HSPB8: variants seen among roughly 807,000 people sequenced by gnomAD.
HSPB8 encodes heat shock protein family B (small) member 8.
A neutral mutation model predicts 16.5 loss-of-function variants in HSPB8; 9 were observed. The observed-to-expected ratio is 0.55, with a 90% CI of 0.33 to 0.95. The LOEUF is 0.95. Ranked by LOEUF, HSPB8 falls within the 40% of genes least tolerant of loss-of-function variation. The pLI, the probability that HSPB8 is intolerant of heterozygous loss-of-function variation, is 0.03. For synonymous variants in HSPB8, 99 were observed against 94.8 expected, an observed-to-expected ratio of 1.04 and a Z score of -0.26; for missense variants, 238 against 251.2, an observed-to-expected ratio of 0.95 and a Z score of 0.35.
At chr12:119,192,612 C>T (rs922565583) in intron 2 of HSPB8, among the ~76,000 whole-genome samples, 25 of 151,902 alleles carry the variant, frequency 1.6e-4, no homozygotes, top group African/African-American at 4.4e-4. Flanking sequence ...ACCAAGATCG[C>T]GCCACTGAAC....
In HSPB8 at chr12:119,194,191, C is replaced by T. The variant is rs1326811557; in HGVS notation, c.*333C>T. On this transcript the variant is annotated 3_prime_UTR_variant, in exon 3 of 3. Coordinates refer to ENST00000281938, the MANE Select transcript of HSPB8 (RefSeq NM_014365.3). Reference sequence around the variant, plus strand: ...CGTTGTATCTTACTTGCAGTGAATGCAAGGGTTACTTTTCTCTGGGGACCT... The same window carrying T: ...CGTTGTATCTTACTTGCAGTGAATGTAAGGGTTACTTTTCTCTGGGGACCT... 2.9e-6 allele frequency: 1 copy of T among 350,244 alleles called. No homozygotes were observed. Among genetic ancestry groups the T allele is most frequent in the Admixed American group, 4.3e-5 (1 of 23,296 alleles). 21.7% of individuals were successfully genotyped at this position (350,244 alleles called of 1,614,324 possible).
chr12:119,183,767 C>T (rs920767547), intron 1 of HSPB8, among the ~76,000 whole-genome samples: 1 of 152,152 alleles, frequency 6.6e-6, no homozygotes, highest in Non-Finnish European at 1.5e-5. Flanking sequence ...ATGAGGTTAA[C>T]CCCACCTCCA....
At chr12:119,181,918 C>T in intron 1 of HSPB8, 1 of 152,344 alleles carries the variant, frequency 6.6e-6, no homozygotes, top group Non-Finnish European at 1.5e-5. Context: ...TTGCCTGGCA[C>T]TCTGTAAACA....
intron 1 of HSPB8, among the ~76,000 whole-genome samples, chr12:119,181,569 A>G (rs1565927635): frequency 6.6e-6 from 1 of 152,190 alleles, no homozygotes; most frequent in African/African-American, 2.4e-5. Context: ...GGGGGCCCCA[A>G]GATTTATTTT....
chr12:119,187,134 G>T, intron 2 of HSPB8, 46 bp downstream of exon 2: 1 of 1,458,824 alleles, frequency 6.9e-7, no homozygotes, highest in Non-Finnish European at 9.6e-7. Context: ...GTGGAGGAGG[G>T]GGCACACCTG....
Position 119,187,099 on chromosome 12 carries a change from T to C in HSPB8, c.431+11T>C. On this transcript the variant is annotated intron_variant, in intron 2 of 2. Transcript: ENST00000281938. ...CACAAAGAAAATCCAGTAAGTAACC[T>C]GGAGTCATGGAGCTCAGGGTGGGAG... The C allele has an allele frequency of 6.2e-7, 1 of 1,609,494 alleles. No homozygotes were observed. The highest frequency in any genetic ancestry group is 8.5e-7 in the Non-Finnish European group (1 of 1,175,908).
chr12:119,179,849 C>T (rs1270041579), intron 1 of HSPB8, among the ~76,000 whole-genome samples, 170 bp downstream of exon 1: 2 of 152,140 alleles, frequency 1.3e-5, no homozygotes, highest in African/African-American at 2.4e-5. Flanking sequence ...AAACTTCTCT[C>T]CCGGCTCCCA....
chr12:119,188,570 C>T (rs964239256), intron 2 of HSPB8, among the ~76,000 whole-genome samples: 10 of 152,104 alleles, frequency 6.6e-5, no homozygotes, highest in African/African-American at 2.4e-4. Context: ...TCCAAGCCAT[C>T]GTTGCATTTA....
chr12:119,189,022 A>G (rs116509833), intron 2 of HSPB8, among the ~76,000 whole-genome samples: 3 of 152,150 alleles, frequency 2.0e-5, no homozygotes, highest in Admixed American at 6.5e-5. Flanking sequence ...TGGCCCTCCC[A>G]CAGCCTCTGC....
At chr12:119,181,682 T>C (rs12812680) in intron 1 of HSPB8, among the ~76,000 whole-genome samples, 12,329 of 152,204 alleles carry the variant, frequency 0.081, 615 homozygotes, top group East Asian at 0.22. Flanking sequence ...AAATAATGAA[T>C]AATAGATGCT....
At chr12:119,188,616 A>C (rs1266768633) in intron 2 of HSPB8, among the ~76,000 whole-genome samples, 1 of 152,158 alleles carries the variant, frequency 6.6e-6, no homozygotes, top group Non-Finnish European at 1.5e-5. Context: ...GAGAGGAGAC[A>C]TGACCCTCCT....
chr12:119,188,438 G>A (rs1009781475), intron 2 of HSPB8, among the ~76,000 whole-genome samples: 17 of 151,738 alleles, frequency 1.1e-4, no homozygotes, highest in African/African-American at 4.1e-4. Context: ...GTAGAGACGG[G>A]GTTTCACCAT....
At chr12:119,180,234 T>G (rs934626262) in intron 1 of HSPB8, among the ~76,000 whole-genome samples, 8 of 152,222 alleles carry the variant, frequency 5.3e-5, no homozygotes, top group African/African-American at 1.9e-4. Flanking sequence ...TGCTGTTGCC[T>G]ATAATATCTC....
At chr12:119,179,714 G>A in intron 1 of HSPB8, 35 bp downstream of exon 1, 1 of 1,544,712 alleles carries the variant, frequency 6.5e-7, no homozygotes, top group Non-Finnish European at 8.7e-7. Context: ...AGAATGGGGA[G>A]GCCGGGATGT....
At chr12:119,186,902 T>G (rs1437145992) in intron 1 of HSPB8, 123 bp from the exon 2 acceptor site, 1 of 882,724 alleles carries the variant, frequency 1.1e-6, no homozygotes, top group Admixed American at 1.7e-5. Flanking sequence ...AACTAGAGTC[T>G]CTAGGGTAGG....
Position 119,179,441 on chromosome 12 carries a change from C to T in HSPB8, c.129C>T (p.Asp43=). The change falls in exon 1 of 3, where the codon GAC becomes GAT. Residue 43 remains aspartate, a synonymous_variant. Coordinates refer to ENST00000281938, the MANE Select transcript of HSPB8 (RefSeq NM_014365.3). ...DGFGMDPFPD[D]LTASWPDWAL... Reference sequence around the variant, plus strand: ...TTGGCATGGACCCCTTCCCAGACGACTTGACAGCCTCTTGGCCCGACTGGG... The same window carrying T: ...TTGGCATGGACCCCTTCCCAGACGATTTGACAGCCTCTTGGCCCGACTGGG... 1 of 1,614,142 alleles carries T rather than the reference C, an allele frequency of 6.2e-7. No homozygotes were observed.
At chr12:119,181,292 A>T (rs1241162577) in intron 1 of HSPB8, among the ~76,000 whole-genome samples, 1 of 152,188 alleles carries the variant, frequency 6.6e-6, no homozygotes, top group Non-Finnish European at 1.5e-5. Context: ...TTTTAGAGAG[A>T]CATGAGACAT....
intron 1 of HSPB8, among the ~76,000 whole-genome samples, chr12:119,186,246 A>G (rs2136083289): frequency 6.6e-6 from 1 of 152,304 alleles, no homozygotes; most frequent in Non-Finnish European, 1.5e-5. Flanking sequence ...GGTCTGGTGG[A>G]ATTTCACATC....
intron 2 of HSPB8, 114 bp from the exon 3 acceptor site, chr12:119,193,585 T>G: frequency 8.8e-7 from 1 of 1,136,240 alleles, no homozygotes; most frequent in Non-Finnish European, 1.3e-6. Flanking sequence ...AAACCCAACA[T>G]TGTATGTCCC....
Sources: allele counts gnomAD v4.1 joint callset (sites outside exome capture counted in the v4.1 genomes callset), GRCh38; gene constraint gnomAD v4.1.1; transcripts MANE v1.5; gene names NCBI Gene and HGNC (gene_info 2026-07-23, HGNC 2026-07-21).